GRIA4: variants seen among roughly 807,000 people sequenced by gnomAD.
The protein encoded by GRIA4 is glutamate ionotropic receptor AMPA type subunit 4, also known as glutamate receptor 4.
Under a neutral mutation model 104.0 loss-of-function variants are expected in GRIA4, and 34 were observed. That is an observed-to-expected ratio of 0.33 (90% CI 0.25 to 0.44). The LOEUF is 0.44. GRIA4 is among the 20% of genes least tolerant of loss of function. The probability of loss-of-function intolerance (pLI) is 1.00; values close to 1 mark genes in which losing one functional copy is unlikely to be tolerated. For synonymous variants in GRIA4, 386 were observed against 381.9 expected (o/e 1.01, Z -0.13); for missense variants, 750 against 1,096.5 (o/e 0.68, Z 4.46).
intron 6 of GRIA4, among the ~76,000 whole-genome samples, chr11:105,888,276 T>G (rs1370771688): frequency 1.1e-5 from 1 of 90,978 alleles, no homozygotes; most frequent in Admixed American, 1.1e-4. Context: ...TTCTCCTTTT[T>G]TTTTTTTTTT....
At chr11:105,891,614 TAC>T (rs1481312421) in intron 6 of GRIA4, among the ~76,000 whole-genome samples, 3 of 152,168 alleles carry the variant, frequency 2.0e-5, no homozygotes, top group Non-Finnish European at 4.4e-5. Context: ...AGGAGGTGTT[TAC>T]CCCACCCAAT....
chr11:105,903,166 T>C (rs1946920007), intron 7 of GRIA4, among the ~76,000 whole-genome samples: 1 of 152,192 alleles, frequency 6.6e-6, no homozygotes, highest in Non-Finnish European at 1.5e-5. Context: ...ACGAAATGAC[T>C]TTGCCTTCCT....
chr11:105,740,962 A>G (rs1158992719), intron 3 of GRIA4, among the ~76,000 whole-genome samples: 1 of 152,142 alleles, frequency 6.6e-6, no homozygotes, highest in African/African-American at 2.4e-5. Flanking sequence ...TAGGGATGAG[A>G]TGCAGTCTAT....
intron 3 of GRIA4, among the ~76,000 whole-genome samples, chr11:105,727,408 G>C (rs985085855): frequency 6.6e-6 from 1 of 152,092 alleles, no homozygotes; most frequent in Non-Finnish European, 1.5e-5. Flanking sequence ...TCTGATTGGT[G>C]TACCTGAAAG....
intron 5 of GRIA4, among the ~76,000 whole-genome samples, chr11:105,871,692 T>C (rs78059873): frequency 6.6e-6 from 1 of 151,562 alleles, no homozygotes; most frequent in Non-Finnish European, 1.5e-5. Flanking sequence ...GAAAAAAAAA[T>C]CTGCTGAAAT....
chr11:105,816,451 G>T (rs778913803), intron 4 of GRIA4, among the ~76,000 whole-genome samples: 2 of 151,884 alleles, frequency 1.3e-5, no homozygotes, highest in Admixed American at 1.3e-4. Flanking sequence ...CTCACCCCTC[G>T]GTCTCTTGCT....
chr11:105,730,037 A>T (rs1156617006), intron 3 of GRIA4, among the ~76,000 whole-genome samples: 1 of 152,218 alleles, frequency 6.6e-6, no homozygotes, highest in African/African-American at 2.4e-5. Flanking sequence ...CAGGGCAATC[A>T]GGCAAGAGAA....
At chr11:105,910,577 G>C in intron 10 of GRIA4, 32 bp downstream of exon 10, 1 of 1,157,768 alleles carries the variant, frequency 8.6e-7, no homozygotes, top group East Asian at 2.3e-5. Context: ...ATGGTGTTCC[G>C]TTTTGTCCAC....
chr11:105,843,489 T>C (rs1220464877), intron 4 of GRIA4, among the ~76,000 whole-genome samples: 1 of 152,238 alleles, frequency 6.6e-6, no homozygotes, highest in African/African-American at 2.4e-5. Context: ...TAAAATCCAA[T>C]TGATACATTC....
At chr11:105,810,533 G>A (rs978510521) in intron 4 of GRIA4, among the ~76,000 whole-genome samples, 2 of 152,060 alleles carry the variant, frequency 1.3e-5, no homozygotes, top group Admixed American at 6.6e-5. Context: ...GGTCCTGGAG[G>A]CATCAGTCCT....
chr11:105,799,954 T>C (rs1292506334), intron 4 of GRIA4, among the ~76,000 whole-genome samples: 2 of 152,056 alleles, frequency 1.3e-5, no homozygotes, highest in African/African-American at 4.8e-5. Flanking sequence ...TTAAGCTGGA[T>C]TGGAATTTTG....
chr11:105,746,559 T>G (rs2135673311), intron 3 of GRIA4, among the ~76,000 whole-genome samples: 1 of 152,128 alleles, frequency 6.6e-6, no homozygotes, highest in South Asian at 2.1e-4. Context: ...AGTTAAATAT[T>G]TTAAGGGTTA....
At chr11:105,844,737 A>ACGG (rs1944521165) in intron 4 of GRIA4, among the ~76,000 whole-genome samples, 1 of 152,148 alleles carries the variant, frequency 6.6e-6, no homozygotes, top group Admixed American at 6.5e-5. Context: ...AGACTTTATT[A>ACGG]CTGCTGCTGC....
intron 6 of GRIA4, among the ~76,000 whole-genome samples, chr11:105,888,235 A>C (rs1946336365): frequency 7.3e-6 from 1 of 137,616 alleles, no homozygotes; most frequent in African/African-American, 2.7e-5. Flanking sequence ...TGATTCCCAA[A>C]GTGATTTATA....
At chr11:105,659,593 T>C (rs1212578812) in intron 3 of GRIA4, among the ~76,000 whole-genome samples, 5 of 151,888 alleles carry the variant, frequency 3.3e-5, no homozygotes, top group African/African-American at 1.2e-4. Flanking sequence ...TCTATGTTTA[T>C]AGATGGTCCA....
At chr11:105,811,141 T>C (rs974253209) in intron 4 of GRIA4, among the ~76,000 whole-genome samples, 3 of 152,120 alleles carry the variant, frequency 2.0e-5, no homozygotes, top group Non-Finnish European at 4.4e-5. Context: ...AGGCATTCTT[T>C]ATGTAGTTAG....
intron 4 of GRIA4, among the ~76,000 whole-genome samples, chr11:105,768,397 T>C (rs1406570402): frequency 2.0e-5 from 3 of 151,758 alleles, no homozygotes; most frequent in African/African-American, 7.3e-5. Context: ...CTGGAGAAAA[T>C]AAAGTGATAA....
intron 3 of GRIA4, among the ~76,000 whole-genome samples, chr11:105,752,659 C>G (rs760956413): frequency 2.6e-5 from 4 of 152,108 alleles, no homozygotes; most frequent in Admixed American, 6.6e-5. Context: ...CTAAAGTTCT[C>G]TAGCATAGGA....
rs1485008513 is a variant in GRIA4 at position 105,881,724 on chromosome 11, T to A, written c.673-5795T>A. On this transcript the variant is annotated intron_variant, in intron 5 of 16. Coordinates refer to ENST00000282499, the MANE Select transcript of GRIA4 (RefSeq NM_000829.4). The stretch of plus-strand genomic sequence containing the variant: ...ACACACACACACACACGCCCCTGCA[T>A]ACACACATACACACACAGACCTACA... Among the ~76,000 whole-genome samples the A allele has an allele frequency of 4.0e-5, 6 of 151,852 alleles. No homozygotes were observed. The East Asian group carries it at 1.2e-3, about 29-fold the overall frequency.
Sources: allele counts gnomAD v4.1 joint callset (sites outside exome capture counted in the v4.1 genomes callset), GRCh38; gene constraint gnomAD v4.1.1; transcripts MANE v1.5; gene names NCBI Gene and HGNC (gene_info 2026-07-23, HGNC 2026-07-21).